Variants in SGIP1 observed in about 807,000 individuals in gnomAD.
SGIP1 encodes the protein SH3GL interacting endocytic adaptor 1.
A neutral mutation model predicts 107.5 loss-of-function variants in SGIP1; 38 were observed. The observed-to-expected ratio is 0.35, with a 90% CI of 0.27 to 0.46. SGIP1 has a LOEUF of 0.46. SGIP1 is among the 20% of genes least tolerant of loss of function. SGIP1 has a pLI of 1.00. For synonymous variants in SGIP1, 365 were observed against 366.1 expected, an observed-to-expected ratio of 1.00 and a Z score of 0.03; for missense variants, 929 against 1,019.5, an observed-to-expected ratio of 0.91 and a Z score of 1.21.
intron 1 of SGIP1, among the ~76,000 whole-genome samples, chr1:66,577,683 GA>G (rs2061255938): frequency 6.6e-6 from 1 of 151,754 alleles, no homozygotes; most frequent in Non-Finnish European, 1.5e-5. Context: ...TTGAACATAG[GA>G]AGTGCTCAAA....
At chr1:66,661,822 T>C (rs1266869813) in intron 8 of SGIP1, among the ~76,000 whole-genome samples, 2 of 152,170 alleles carry the variant, frequency 1.3e-5, no homozygotes, top group Non-Finnish European at 2.9e-5. Flanking sequence ...TTCATTAATT[T>C]TTCTCCTGTT....
Position 66,604,352 on chromosome 1 carries a change from G to C in SGIP1, c.11-21495G>C, listed in dbSNP as rs542068757. Among the ~76,000 whole-genome samples, 16 of 152,192 alleles carry C rather than the reference G, an allele frequency of 1.1e-4. No individual in the cohort carries two copies. In the South Asian group the frequency reaches 3.3e-3, roughly 32 times the overall value. On this transcript the variant is annotated intron_variant, in intron 1 of 24. Coordinates refer to ENST00000371037, the MANE Select transcript of SGIP1 (RefSeq NM_032291.4). Reference sequence around the variant, plus strand: ...AGATGCCGAAATAATGAATGAAAAAGCATTTCCATCATGGTCGTCTCAGAC... The same window carrying C: ...AGATGCCGAAATAATGAATGAAAAACCATTTCCATCATGGTCGTCTCAGAC...
intron 18 of SGIP1, among the ~76,000 whole-genome samples, chr1:66,712,421 G>A (rs950655712): frequency 2.6e-5 from 4 of 152,158 alleles, no homozygotes; most frequent in Admixed American, 1.3e-4. Flanking sequence ...TGGCCTGCCC[G>A]AACGCAGGCT....
intron 1 of SGIP1, among the ~76,000 whole-genome samples, chr1:66,547,195 C>CA (rs1288934228): frequency 1.3e-5 from 2 of 152,102 alleles, no homozygotes; most frequent in African/African-American, 2.4e-5. Context: ...CACATATCCT[C>CA]AAATTTCCAT....
intron 1 of SGIP1, among the ~76,000 whole-genome samples, chr1:66,540,398 T>C (rs1004129058): frequency 6.6e-6 from 1 of 152,162 alleles, no homozygotes; most frequent in African/African-American, 2.4e-5. Context: ...TTTTTTTCTT[T>C]TCTCTCTTCC....
In SGIP1 at chr1:66,702,228, G is replaced by A. The variant is rs12724078; in HGVS notation, c.1630+6735G>A. Among the ~76,000 whole-genome samples the A allele has an allele frequency of 3.0e-3, 457 of 152,236 alleles. 2 individuals carry two copies. Among genetic ancestry groups the A allele is most frequent in the African/African-American group, 0.01 (435 of 41,550 alleles). On this transcript the variant is annotated intron_variant, in intron 18 of 24. Coordinates refer to ENST00000371037, the MANE Select transcript of SGIP1 (RefSeq NM_032291.4). The stretch of plus-strand genomic sequence containing the variant: ...TAGGTAACTTTTCTGAGATTACACA[G>A]CTAGTTGGTGGTTAAATCAGTTAGA...
intron 12 of SGIP1, among the ~76,000 whole-genome samples, chr1:66,674,340 T>C (rs961314560): frequency 5.8e-4 from 89 of 152,310 alleles, no homozygotes; most frequent in African/African-American, 2.1e-3. Context: ...TAAAATCAGC[T>C]CTCTATAAAA....
intron 19 of SGIP1, among the ~76,000 whole-genome samples, chr1:66,726,313 A>T (rs1464871730): frequency 6.6e-6 from 1 of 152,242 alleles, no homozygotes; most frequent in East Asian, 1.9e-4. Context: ...TAATTTTCTC[A>T]GAGCAGTCAG....
chr1:66,554,244 T>C (rs1165653294), intron 1 of SGIP1, among the ~76,000 whole-genome samples: 2 of 152,162 alleles, frequency 1.3e-5, no homozygotes, highest in Admixed American at 6.6e-5. Context: ...GGGTCAAGTA[T>C]AGACAGGAAG....
At chr1:66,632,945 G>A (rs1168215912) in intron 2 of SGIP1, 125 bp from the exon 3 acceptor site, 2 of 737,352 alleles carry the variant, frequency 2.7e-6, no homozygotes, top group East Asian at 5.1e-5. Flanking sequence ...CATTAGCCAG[G>A]TTTACTGGGG....
chr1:66,556,690 C>G (rs2058227624), intron 1 of SGIP1, among the ~76,000 whole-genome samples: 1 of 151,330 alleles, frequency 6.6e-6, no homozygotes. Context: ...TGCCCTACTT[C>G]TGATGCCAAC....
intron 1 of SGIP1, among the ~76,000 whole-genome samples, chr1:66,619,533 C>A (rs939751400): frequency 2.0e-5 from 3 of 152,200 alleles, no homozygotes; most frequent in African/African-American, 7.2e-5. Flanking sequence ...AGCTAAGATG[C>A]TGATAGGAAG....
chr1:66,563,401 T>G (rs539007618), intron 1 of SGIP1, among the ~76,000 whole-genome samples: 1 of 152,098 alleles, frequency 6.6e-6, no homozygotes, highest in African/African-American at 2.4e-5. Flanking sequence ...GAGCCTTCCT[T>G]TAACAGATTT....
intron 1 of SGIP1, among the ~76,000 whole-genome samples, chr1:66,553,452 G>A (rs2148313511): frequency 6.6e-6 from 1 of 152,172 alleles, no homozygotes; most frequent in African/African-American, 2.4e-5. Flanking sequence ...AAGGTGGGTG[G>A]ATCATTTGAG....
rs2094526620 is a variant in SGIP1 at position 66,744,440 on chromosome 1, C to T, written c.*1345C>T. 6.6e-6 allele frequency: 1 copy of T among 152,044 alleles called. No individual in the cohort carries two copies. Among genetic ancestry groups the T allele is most frequent in the African/African-American group, 2.4e-5 (1 of 41,446 alleles). The allele number at this position is 152,044 out of a possible 1,614,324, so 9.4% of individuals were successfully genotyped here. ...GGGAGTCTCAGTTGTAAAACCTTCC[C>T]TCATTAATATCTGAAAATGTTAGTC... On this transcript the variant is annotated 3_prime_UTR_variant, in exon 25 of 25. Transcript: ENST00000371037.
chr1:66,671,860 C>T, intron 10 of SGIP1, 84 bp from the exon 11 acceptor site: 1 of 1,322,788 alleles, frequency 7.6e-7, no homozygotes, highest in Non-Finnish European at 1.1e-6. Flanking sequence ...ACTTAAATCT[C>T]TAAGTGTTTC....
At chr1:66,659,300 C>T (rs1451180149) in intron 7 of SGIP1, among the ~76,000 whole-genome samples, 2 of 152,060 alleles carry the variant, frequency 1.3e-5, no homozygotes, top group East Asian at 3.9e-4. Context: ...AAGACAGGTG[C>T]TGAGGAAGTA....
In SGIP1 at chr1:66,653,139, C is replaced by T. The variant is rs571329189; in HGVS notation, c.460-7374C>T. ...AATCAGCTAGAGTTAACACATGAGA[C>T]GCAACTTTTGTTTTTCCCAGGACTC... On this transcript the variant is annotated intron_variant, in intron 7 of 24. Transcript: ENST00000371037. Among the ~76,000 whole-genome samples the T allele has an allele frequency of 1.4e-3, 210 of 152,208 alleles. 1 individual carries two copies. The highest frequency in any genetic ancestry group is 8.1e-3 in the South Asian group (39 of 4,820).
chr1:66,591,917 A>G (rs1305214441), intron 1 of SGIP1, among the ~76,000 whole-genome samples: 1 of 152,224 alleles, frequency 6.6e-6, no homozygotes, highest in East Asian at 1.9e-4. Context: ...CTGACTTTAC[A>G]CAAACATTTT....
Sources: allele counts gnomAD v4.1 joint callset (sites outside exome capture counted in the v4.1 genomes callset), GRCh38; gene constraint gnomAD v4.1.1; transcripts MANE v1.5; gene names NCBI Gene and HGNC (gene_info 2026-07-23, HGNC 2026-07-21).